LRRC4C: variants seen among roughly 807,000 people sequenced by gnomAD.
LRRC4C encodes the protein leucine-rich repeat-containing protein 4C.
Under a neutral mutation model 33.6 loss-of-function variants are expected in LRRC4C, and 5 were observed. That is an observed-to-expected ratio of 0.15 (90% CI 0.08 to 0.31). The LOEUF (loss-of-function observed/expected upper bound fraction) is 0.31. Among genes scored for constraint, LRRC4C ranks in the 10% least tolerant of loss-of-function variants. The pLI is 1.00. For missense variants in LRRC4C, 560 were observed against 796.7 expected (o/e 0.70, Z 3.58); for synonymous variants, 329 against 302.0 (o/e 1.09, Z -0.93).
At chr11:40,897,321 G>C (rs989201543) in intron 2 of LRRC4C, among the ~76,000 whole-genome samples, 1 of 152,084 alleles carries the variant, frequency 6.6e-6, no homozygotes, top group African/African-American at 2.4e-5. Flanking sequence ...TACAGACTTT[G>C]GTAAGCATAG....
rs977384988 is a variant in LRRC4C at position 41,006,845 on chromosome 11, T to C, written c.-495-73122A>G. On this transcript the variant is annotated intron_variant, in intron 1 of 6. Transcript: ENST00000528697. ...CATGCACAAATTCATATTTTCACAG[T>C]ATTTAACATCCAGAATAGTGTTTTT... 1.2e-4 allele frequency among the ~76,000 whole-genome samples: 18 copies of C among 152,280 alleles called. 2 individuals are homozygous for C. In the South Asian group the frequency reaches 3.7e-3, roughly 32 times the overall value.
At chr11:40,866,999 T>C (rs1203750882) in intron 2 of LRRC4C, among the ~76,000 whole-genome samples, 2 of 152,166 alleles carry the variant, frequency 1.3e-5, no homozygotes, top group Non-Finnish European at 2.9e-5. Flanking sequence ...AATTCTACTA[T>C]TTGATTATCA....
chr11:40,303,524 T>C (rs1165163150), intron 4 of LRRC4C, among the ~76,000 whole-genome samples: 1 of 152,170 alleles, frequency 6.6e-6, no homozygotes, highest in African/African-American at 2.4e-5. Context: ...TTCCTAAACA[T>C]TGTCCCTGCT....
At chr11:40,209,291 T>C (rs2135804244) in intron 5 of LRRC4C, among the ~76,000 whole-genome samples, 1 of 152,244 alleles carries the variant, frequency 6.6e-6, no homozygotes, top group East Asian at 1.9e-4. Flanking sequence ...ATTCAATAAA[T>C]ATGCAGGAAT....
intron 1 of LRRC4C, among the ~76,000 whole-genome samples, chr11:41,064,499 C>T (rs1012801828): frequency 6.6e-6 from 1 of 152,190 alleles, no homozygotes; most frequent in African/African-American, 2.4e-5. Flanking sequence ...AACAGCTGAA[C>T]ATAGCAAGCC....
chr11:40,988,713 C>CCTTTTTTTTTTTT (rs1203305681), intron 1 of LRRC4C, among the ~76,000 whole-genome samples: 1 of 57,752 alleles, frequency 1.7e-5, no homozygotes, highest in African/African-American at 4.5e-5. Flanking sequence ...CTTTTCTTTT[C>CCTTTTTTTTTTTT]TTTTTTTTTT....
chr11:40,338,679 A>AT (rs763860062), intron 3 of LRRC4C, among the ~76,000 whole-genome samples: 4 of 152,060 alleles, frequency 2.6e-5, no homozygotes, highest in African/African-American at 7.2e-5. Context: ...TTTTGAAAGT[A>AT]TTTTTTTTAA....
intron 3 of LRRC4C, among the ~76,000 whole-genome samples, chr11:40,377,582 T>C (rs1316513689): frequency 2.0e-5 from 3 of 152,130 alleles, no homozygotes; most frequent in Non-Finnish European, 2.9e-5. Context: ...AAATTCTTAG[T>C]TCTTATTCTT....
intron 2 of LRRC4C, among the ~76,000 whole-genome samples, chr11:40,825,886 T>A (rs1167405289): frequency 2.1e-5 from 3 of 143,858 alleles, no homozygotes; most frequent in African/African-American, 5.0e-5. Flanking sequence ...AAGAAAAAAA[T>A]TTAAACAGTA....
intron 4 of LRRC4C, among the ~76,000 whole-genome samples, chr11:40,286,289 G>C (rs960500117): frequency 1.3e-5 from 2 of 152,066 alleles, no homozygotes; most frequent in East Asian, 3.9e-4. Flanking sequence ...ATCTCTGCTC[G>C]GTTGACCACA....
At chr11:41,318,314 T>C (rs1025030748) in intron 1 of LRRC4C, among the ~76,000 whole-genome samples, 1 of 152,194 alleles carries the variant, frequency 6.6e-6, no homozygotes, top group Admixed American at 6.5e-5. Flanking sequence ...TTATCTACAA[T>C]GTAAAAGTTA....
intron 1 of LRRC4C, among the ~76,000 whole-genome samples, chr11:41,070,641 A>C (rs532589785): frequency 6.6e-6 from 1 of 152,328 alleles, no homozygotes; most frequent in East Asian, 1.9e-4. Context: ...TAAGACATTT[A>C]TGTGACCAAG....
chr11:40,875,800 T>C (rs1954855602), intron 2 of LRRC4C, among the ~76,000 whole-genome samples: 1 of 152,178 alleles, frequency 6.6e-6, no homozygotes, highest in African/African-American at 2.4e-5. Flanking sequence ...GCATTACATG[T>C]ATTGTGATGC....
At chr11:40,351,746 C>G (rs1223314013) in intron 3 of LRRC4C, 2 of 134,476 alleles carry the variant, frequency 1.5e-5, no homozygotes, top group Non-Finnish European at 3.3e-5. Context: ...ATTATATCCT[C>G]TTGCTGATTT....
At chr11:40,505,183 G>C (rs1954972806) in intron 3 of LRRC4C, among the ~76,000 whole-genome samples, 1 of 152,142 alleles carries the variant, frequency 6.6e-6, no homozygotes, top group African/African-American at 2.4e-5. Flanking sequence ...TTGGTTGGTG[G>C]CTTCCAGTTT....
intron 1 of LRRC4C, among the ~76,000 whole-genome samples, chr11:41,051,271 T>C (rs1395031895): frequency 3.9e-5 from 6 of 152,162 alleles, no homozygotes; most frequent in African/African-American, 1.4e-4. Flanking sequence ...TAGTTAATTG[T>C]ACTTCCTTGC....
intron 2 of LRRC4C, among the ~76,000 whole-genome samples, chr11:40,776,524 G>T (rs533878227): frequency 2.0e-5 from 3 of 152,036 alleles, no homozygotes; most frequent in South Asian, 4.1e-4. Flanking sequence ...GCATAGAGGT[G>T]TTCATAATAG....
chr11:40,993,330 A>G lies in LRRC4C; in HGVS notation c.-495-59607T>C, dbSNP rs1592284002. On this transcript the variant is annotated intron_variant, in intron 1 of 6. Transcript: ENST00000528697. ...CAAATAAATGAACTTCAGTTAGATGATCTTAGAGGACCCCATGAAATTTAT... is the reference window on the plus strand; with the variant it reads ...CAAATAAATGAACTTCAGTTAGATGGTCTTAGAGGACCCCATGAAATTTAT... 2.6e-5 allele frequency among the ~76,000 whole-genome samples: 4 copies of G among 152,102 alleles called. No homozygotes were observed. The South Asian group carries it at 8.3e-4, about 31-fold the overall frequency.
chr11:41,213,773 C>T (rs1261252584), intron 1 of LRRC4C, among the ~76,000 whole-genome samples: 1 of 152,162 alleles, frequency 6.6e-6, no homozygotes, highest in Non-Finnish European at 1.5e-5. Context: ...TGAATTACTC[C>T]AGGGCTATCC....
Sources: gnomAD v4.1 joint callset for allele counts (sites outside exome capture counted in the v4.1 genomes callset) on GRCh38, gnomAD v4.1.1 for gene constraint, MANE v1.5 for transcripts, NCBI Gene and HGNC (gene_info 2026-07-23, HGNC 2026-07-21) for gene names.